PTPN23: variants seen among roughly 807,000 people sequenced by gnomAD.
PTPN23 encodes tyrosine-protein phosphatase non-receptor type 23.
PTPN23 carries 72 observed loss-of-function variants against 156.3 expected under a neutral mutation model. The observed-to-expected ratio is 0.46, with a 90% CI of 0.38 to 0.56. The LOEUF (loss-of-function observed/expected upper bound fraction) is 0.56, where lower values mean the gene tolerates loss of function less well. PTPN23 is among the 20% of genes least tolerant of loss of function. The pLI, the probability that PTPN23 is intolerant of heterozygous loss-of-function variation, is 0.00. For synonymous variants in PTPN23, 957 were observed against 899.6 expected, an observed-to-expected ratio of 1.06 and a Z score of -1.14; for missense variants, 1,974 against 2,171.5, an observed-to-expected ratio of 0.91 and a Z score of 1.81.
intron 1 of PTPN23, among the ~76,000 whole-genome samples, chr3:47,387,993 T>C (rs1704689654): frequency 6.6e-6 from 1 of 152,194 alleles, no homozygotes; most frequent in Admixed American, 6.5e-5. Context: ...TGTTTGGTGC[T>C]CAGTAAAATA....
In PTPN23 at chr3:47,409,951, C is replaced by T. The variant is rs200475039; in HGVS notation, c.2153C>T (p.Pro718Leu). ...AGGGAGCTGAAGAAGAAGCCGCCGC[C>T]ACGGCCCACAGCCCCAAAGCCGCTG... ...LDRELKKKPP[P>L]RPTAPKPLLP... Residue 718 changes from proline to leucine, a missense_variant, in exon 20 of 25, where the codon CCA becomes CTA. Pro to Leu is a moderately conservative substitution (Grantham distance 98). Around this residue, in one of 4 missense-constraint regions of PTPN23, gnomAD observed 731 missense variants for 669.1 expected, o/e 1.09. Coordinates refer to ENST00000265562, the MANE Select transcript of PTPN23 (RefSeq NM_015466.4). 20 of 1,569,216 alleles carry T rather than the reference C, an allele frequency of 1.3e-5. No individual in the cohort carries two copies. In the African/African-American group the frequency reaches 2.6e-4, roughly 20 times the overall value.
chr3:47,385,813 T>A (rs1056088977), intron 1 of PTPN23, among the ~76,000 whole-genome samples: 1 of 152,116 alleles, frequency 6.6e-6, no homozygotes, highest in Non-Finnish European at 1.5e-5. Flanking sequence ...TCATCTCCCA[T>A]CCTCCCACTC....
intron 1 of PTPN23, among the ~76,000 whole-genome samples, chr3:47,382,255 A>T (rs894693800): frequency 6.6e-6 from 1 of 151,816 alleles, no homozygotes; most frequent in Non-Finnish European, 1.5e-5. Context: ...TTGATCCAAA[A>T]TTCTAGAATT....
rs779562840 is a variant in PTPN23, at chr3:47,413,223, A to ATCATC, written c.*43_*47dup. 10 of 1,571,986 alleles carry ATCATC rather than the reference A, an allele frequency of 6.4e-6. No homozygotes were observed. The highest frequency in any genetic ancestry group is 4.5e-5 in the East Asian group (2 of 44,378). ...TACCTGGTCCTTACACTACATCATC[A>ATCATC]TCATCTCATGCCCACCTGCCCACAC... is the stretch of plus-strand genomic sequence containing the variant. On this transcript the variant is annotated 3_prime_UTR_variant, in exon 25 of 25. Transcript: ENST00000265562.
chr3:47,407,918 A>T lies in PTPN23; in HGVS notation c.1147A>T (p.Met383Leu), dbSNP rs1705168774. Residue 383 changes from methionine (M) to leucine (L), a missense_variant, in exon 14 of 25, where the codon ATG becomes TTG. This residue lies in a region of PTPN23 where 726 missense variants were observed against 929.5 expected (regional missense o/e 0.78). Transcript: ENST00000265562. This position sits in a 1 kb window ranked among gnomAD's most constrained non-coding sequence, Gnocchi z 4.0. ...SEEKAKLLREMMAKIEDKNEV... is the reference protein window; with the variant it reads ...SEEKAKLLRELMAKIEDKNEV... ...GGAGAAGGCCAAGCTGCTCCGGGAGATGATGGCCAAGATTGAGGACAAGAA... is the reference window on the plus strand; with the variant it reads ...GGAGAAGGCCAAGCTGCTCCGGGAGTTGATGGCCAAGATTGAGGACAAGAA... 1 of 1,613,974 alleles carries T rather than the reference A, an allele frequency of 6.2e-7. No homozygotes were observed. Among genetic ancestry groups the T allele is most frequent in the African/African-American group, 1.3e-5 (1 of 74,910 alleles).
chr3:47,410,247 C>T lies in PTPN23; in HGVS notation c.2449C>T (p.Pro817Ser). 6.2e-7 allele frequency: 1 copy of T among 1,611,170 alleles called. No individual in the cohort carries two copies. Among genetic ancestry groups the T allele is most frequent in the Non-Finnish European group, 8.5e-7 (1 of 1,178,766 alleles). Residue 817 changes from proline (P) to serine (S), a missense_variant, in exon 20 of 25, where the codon CCT (proline) becomes TCT (serine). Transcript: ENST00000265562. The part of the protein sequence containing the change: ...APGPHAMPVA[P>S]GPALYPAPAY... ...AGGGCCCCATGCAATGCCCGTAGCA[C>T]CTGGGCCTGCCCTCTACCCAGCCCC...
chr3:47,382,488 A>G (rs759895499), intron 1 of PTPN23, among the ~76,000 whole-genome samples: 8 of 150,842 alleles, frequency 5.3e-5, no homozygotes, highest in Non-Finnish European at 1.0e-4. Context: ...TGCCCGGCTA[A>G]TTTTGTATTT....
Position 47,403,178 on chromosome 3 carries a change from T to A in PTPN23, c.160-1474T>A, listed in dbSNP as rs186507338. 4.6e-5 allele frequency among the ~76,000 whole-genome samples: 7 copies of A among 151,650 alleles called. No homozygotes were observed. In the East Asian group the frequency reaches 7.8e-4, roughly 17 times the overall value. On this transcript the variant is annotated intron_variant, in intron 2 of 24. Transcript: ENST00000265562. The stretch of plus-strand genomic sequence containing the variant: ...CGCCATTCTCCTGCTTCAGCCTCCC[T>A]AGTAGCTGGGTCTACAGGTGCCTGC...
intron 1 of PTPN23, among the ~76,000 whole-genome samples, chr3:47,381,889 A>G (rs1387671812): frequency 6.6e-6 from 1 of 152,108 alleles, no homozygotes; most frequent in African/African-American, 2.4e-5. Flanking sequence ...GGCGTTGACT[A>G]AGGCAAGGAA....
At chr3:47,384,620 CA>C (rs1704617588) in intron 1 of PTPN23, among the ~76,000 whole-genome samples, 1 of 152,034 alleles carries the variant, frequency 6.6e-6, no homozygotes, top group South Asian at 2.1e-4. Context: ...GGGCTTTTGA[CA>C]AATCTTTCAT....
At chr3:47,404,912 A>G in intron 3 of PTPN23, 93 bp from the exon 4 acceptor site, 2 of 1,588,684 alleles carry the variant, frequency 1.3e-6, no homozygotes, top group Middle Eastern at 1.7e-4. Context: ...AGGCCTCCCC[A>G]CATCCCCACA....
Position 47,407,069 on chromosome 3 carries a change from CAGG to C in PTPN23, c.808-55_808-53del. 1.9e-6 allele frequency: 3 copies of C among 1,604,180 alleles called. No homozygotes were observed. The highest frequency in any genetic ancestry group is 2.6e-6 in the Non-Finnish European group (3 of 1,172,304). On this transcript the variant is annotated intron_variant, in intron 9 of 24. Transcript: ENST00000265562. This position sits in a 1 kb window ranked among gnomAD's most constrained non-coding sequence, Gnocchi z 4.0. The stretch of plus-strand genomic sequence containing the variant: ...TGGACAGGCAGGGCCGGGTGGGAGG[CAGG>C]AGGAGAAAGGGTCCAAGCAGAGGAG...
chr3:47,382,323 CTTTT>C (rs11438597), intron 1 of PTPN23, among the ~76,000 whole-genome samples: 1 of 141,076 alleles, frequency 7.1e-6, no homozygotes, highest in Non-Finnish European at 1.6e-5. Flanking sequence ...TTTTTCCTAC[CTTTT>C]TTTTTTTTTT....
In PTPN23 at chr3:47,411,500, G is replaced by C. The variant is rs747283217; in HGVS notation, c.3702G>C (p.Val1234=). Residue 1234 remains valine (V), a synonymous_variant, in exon 20 of 25, where the codon GTG becomes GTC. Transcript: ENST00000265562. The surrounding 1 kb of genome is among the most constrained non-coding windows in gnomAD (Gnocchi z 6.3). ...QDVMPYDSNR[V]VLRSGKDDYI... is the part of the protein sequence containing the mutation. ...TCATGCCCTATGACAGTAACCGTGT[G>C]GTGCTGCGCTCAGGCAAGGATGACT... 3 of 1,613,096 alleles carry C rather than the reference G, an allele frequency of 1.9e-6. No homozygotes were observed. The Admixed American group carries it at 5.0e-5, about 27-fold the overall frequency.
intron 2 of PTPN23, among the ~76,000 whole-genome samples, chr3:47,402,037 G>C (rs902047385): frequency 1.5e-4 from 23 of 152,294 alleles, no homozygotes; most frequent in Admixed American, 7.2e-4. Flanking sequence ...GGTCCTCTCT[G>C]CAGGGGGCTG....
In PTPN23 at chr3:47,412,930, AC is replaced by A; in HGVS notation, c.4658del (p.Pro1553LeufsTer31). The part of the protein sequence containing the change: ...SSPPPLSSPL[P>X]EAPQPKEEPP... ...CCCCGCCCCCCCTTTCCTCCCCACT[AC>A]CTGAGGCTCCCCAGCCTAAGGAGGA... On this transcript the variant is annotated frameshift_variant, in exon 25 of 25. Transcript: ENST00000265562. LOFTEE classifies it high-confidence loss of function. The A allele has an allele frequency of 6.7e-7, 1 of 1,487,816 alleles. No individual in the cohort carries two copies. The highest frequency in any genetic ancestry group is 9.0e-7 in the Non-Finnish European group (1 of 1,109,694). The allele number at this position is 1,487,816 out of a possible 1,614,324, so 92.2% of individuals were successfully genotyped here.
intron 2 of PTPN23, among the ~76,000 whole-genome samples, chr3:47,400,761 A>G (rs1291032379): frequency 6.6e-6 from 1 of 151,994 alleles, no homozygotes; most frequent in Non-Finnish European, 1.5e-5. Flanking sequence ...TTTAGTAGAG[A>G]CAGGGTTTCT....
At chr3:47,409,136 G>A in intron 16 of PTPN23, 27 bp from the exon 17 acceptor site, 2 of 1,608,630 alleles carry the variant, frequency 1.2e-6, no homozygotes, top group East Asian at 2.2e-5. Context: ...GGGTTTCTCT[G>A]GCCTCACTGA....
chr3:47,403,917 C>T (rs370839348), intron 2 of PTPN23, among the ~76,000 whole-genome samples: 1 of 152,154 alleles, frequency 6.6e-6, no homozygotes, highest in African/African-American at 2.4e-5. Flanking sequence ...AAGTCTGTTA[C>T]TGTAAACTTT....
Sources: allele counts gnomAD v4.1 joint callset (sites outside exome capture counted in the v4.1 genomes callset), GRCh38; gene constraint gnomAD v4.1.1; regional missense constraint gnomAD v4.1.1; non-coding constraint Gnocchi (gnomAD v3.1); transcripts MANE v1.5; gene names NCBI Gene and HGNC (gene_info 2026-07-23, HGNC 2026-07-21).